The following RASAL2 variants were observed in gnomAD, a reference collection of about 807,000 sequenced individuals.
The protein encoded by RASAL2 is ras GTPase-activating protein nGAP.
RASAL2 carries 58 observed loss-of-function variants against 128.9 expected under a neutral mutation model. The observed-to-expected ratio is 0.45, with a 90% CI of 0.36 to 0.56. The LOEUF is 0.56. RASAL2 is among the 20% of genes least tolerant of loss of function. The pLI is 0.00. For synonymous variants in RASAL2, 561 were observed against 580.8 expected (o/e 0.97, Z 0.49); for missense variants, 1,360 against 1,601.6 (o/e 0.85, Z 2.57).
chr1:178,463,518 T>C (rs982214958), intron 14 of RASAL2, among the ~76,000 whole-genome samples: 2 of 152,192 alleles, frequency 1.3e-5, no homozygotes, highest in African/African-American at 4.8e-5. Context: ...TTGGTATGTC[T>C]ATTCAGTAGA....
chr1:178,267,650 C>T (rs1251550087), intron 1 of RASAL2, among the ~76,000 whole-genome samples: 42 of 134,926 alleles, frequency 3.1e-4, no homozygotes, highest in African/African-American at 1.2e-3. Context: ...GAGAGGGAGT[C>T]TTGCTCTGTC....
chr1:178,094,721 CT>C, intron 1 of RASAL2, 27 bp downstream of exon 1: 1 of 1,611,292 alleles, frequency 6.2e-7, no homozygotes, highest in East Asian at 2.2e-5. Flanking sequence ...GTCTTAGAGG[CT>C]GGTGTTTCCT....
At chr1:178,283,189 A>G (rs557300220) in intron 1 of RASAL2, among the ~76,000 whole-genome samples, 2 of 152,290 alleles carry the variant, frequency 1.3e-5, no homozygotes, top group East Asian at 3.9e-4. Flanking sequence ...GTGTACATGT[A>G]ACATCATCTT....
chr1:178,244,742 A>G (rs1165553224), intron 1 of RASAL2, among the ~76,000 whole-genome samples: 4 of 151,850 alleles, frequency 2.6e-5, no homozygotes, highest in Non-Finnish European at 2.9e-5. Flanking sequence ...TCATCCCCCA[A>G]CAGGCCCCGG....
At chr1:178,428,142 T>C (rs1019849295) in intron 5 of RASAL2, among the ~76,000 whole-genome samples, 2 of 152,060 alleles carry the variant, frequency 1.3e-5, no homozygotes, top group Non-Finnish European at 2.9e-5. Context: ...AGTATTTCAT[T>C]GTATGGATGT....
At chr1:178,245,693 G>T (rs1022947653) in intron 1 of RASAL2, among the ~76,000 whole-genome samples, 1 of 152,052 alleles carries the variant, frequency 6.6e-6, no homozygotes, top group Non-Finnish European at 1.5e-5. Flanking sequence ...GGGTTTTTAC[G>T]GTTTTAGGTT....
chr1:178,167,586 G>T (rs1194483517), intron 1 of RASAL2, among the ~76,000 whole-genome samples: 1 of 152,032 alleles, frequency 6.6e-6, no homozygotes, highest in Admixed American at 6.6e-5. Flanking sequence ...TGTAACTTTT[G>T]TCTCTTCCAA....
chr1:178,225,238 A>G (rs1174297177), intron 1 of RASAL2, among the ~76,000 whole-genome samples: 1 of 151,912 alleles, frequency 6.6e-6, no homozygotes, highest in African/African-American at 2.4e-5. Flanking sequence ...TTTTAAATAT[A>G]TATATTTTTA....
chr1:178,277,948 T>C (rs916825026), intron 1 of RASAL2, among the ~76,000 whole-genome samples: 3 of 152,216 alleles, frequency 2.0e-5, no homozygotes, highest in Middle Eastern at 3.4e-3. Context: ...TGCAACACAG[T>C]GTAGTGTCTG....
intron 5 of RASAL2, among the ~76,000 whole-genome samples, chr1:178,433,758 C>T (rs948073469): frequency 6.6e-6 from 1 of 152,032 alleles, no homozygotes; most frequent in East Asian, 1.9e-4. Context: ...ACTAAAAATA[C>T]AAAAATTAAC....
At chr1:178,144,545 C>CT (rs1356190057) in intron 1 of RASAL2, among the ~76,000 whole-genome samples, 1 of 152,130 alleles carries the variant, frequency 6.6e-6, no homozygotes, top group African/African-American at 2.4e-5. Context: ...TTGGTAATCT[C>CT]TAAGTATTTG....
chr1:178,210,168 A>G (rs1053706811), intron 1 of RASAL2, among the ~76,000 whole-genome samples: 5 of 151,876 alleles, frequency 3.3e-5, no homozygotes, highest in East Asian at 1.9e-4. Flanking sequence ...GCAGTATCTA[A>G]TGGTTTTTCA....
intron 4 of RASAL2, among the ~76,000 whole-genome samples, chr1:178,412,715 CT>C (rs1319786329): frequency 3.3e-5 from 5 of 152,142 alleles, no homozygotes; most frequent in Non-Finnish European, 7.4e-5. Context: ...TGCAAGACTT[CT>C]TGTTTTCAGA....
intron 3 of RASAL2, among the ~76,000 whole-genome samples, chr1:178,335,478 G>T (rs1669539724): frequency 6.6e-6 from 1 of 152,058 alleles, no homozygotes; most frequent in Admixed American, 6.6e-5. Context: ...CAAAATTTGG[G>T]GCCAGACTGC....
intron 1 of RASAL2, among the ~76,000 whole-genome samples, chr1:178,253,996 C>T (rs1665189997): frequency 6.6e-6 from 1 of 152,120 alleles, no homozygotes; most frequent in Admixed American, 6.5e-5. Context: ...AATGGTTGTC[C>T]ATTCTTTTTG....
chr1:178,362,457 T>TCTCC (rs906784351), intron 3 of RASAL2, among the ~76,000 whole-genome samples: 3 of 151,114 alleles, frequency 2.0e-5, no homozygotes, highest in East Asian at 1.9e-4. Flanking sequence ...TCCTTCCTTC[T>TCTCC]CTCCCTCCCT....
At chr1:178,329,147 T>G (rs1467171816) in intron 3 of RASAL2, among the ~76,000 whole-genome samples, 1 of 152,158 alleles carries the variant, frequency 6.6e-6, no homozygotes, top group Non-Finnish European at 1.5e-5. Context: ...GGGACTAGAC[T>G]GGCAAAGCAA....
intron 4 of RASAL2, among the ~76,000 whole-genome samples, chr1:178,419,297 AG>A (rs1462913164): frequency 6.6e-6 from 1 of 152,022 alleles, no homozygotes; most frequent in African/African-American, 2.4e-5. Flanking sequence ...TTTTTGGGTT[AG>A]GGTTTCATTC....
intron 1 of RASAL2, among the ~76,000 whole-genome samples, chr1:178,262,471 A>G (rs1247139993): frequency 6.6e-6 from 1 of 152,236 alleles, no homozygotes; most frequent in African/African-American, 2.4e-5. Flanking sequence ...TAATTTTAAG[A>G]AAGAGTGACA....
Sources: gnomAD v4.1 joint callset for allele counts (sites outside exome capture counted in the v4.1 genomes callset) on GRCh38, gnomAD v4.1.1 for gene constraint, MANE v1.5 for transcripts, NCBI Gene and HGNC (gene_info 2026-07-23, HGNC 2026-07-21) for gene names.